PACRG: variants seen among roughly 807,000 people sequenced by gnomAD.
The protein encoded by PACRG is parkin coregulated gene protein.
PACRG carries 29 observed loss-of-function variants against 29.7 expected under a neutral mutation model. The observed-to-expected ratio is 0.98, with a 90% CI of 0.73 to 1.33. The LOEUF (loss-of-function observed/expected upper bound fraction) is 1.33. Among genes scored for constraint, PACRG ranks in the 40% most tolerant of loss-of-function variants. The pLI is 0.00. For synonymous variants in PACRG, 116 were observed against 118.7 expected (o/e 0.98, Z 0.15); for missense variants, 279 against 316.2 (o/e 0.88, Z 0.89).
intron 2 of PACRG, among the ~76,000 whole-genome samples, chr6:163,045,185 G>A (rs1344544345): frequency 6.6e-6 from 1 of 152,128 alleles, no homozygotes; most frequent in African/African-American, 2.4e-5. Flanking sequence ...AGGGTGGCAA[G>A]GGCACTGGCT....
At chr6:162,933,072 C>G (rs1350073302) in intron 2 of PACRG, among the ~76,000 whole-genome samples, 2 of 151,952 alleles carry the variant, frequency 1.3e-5, no homozygotes, top group Non-Finnish European at 2.9e-5. Context: ...TTTATTTTCA[C>G]TAGTTTCAAG....
chr6:162,891,501 C>T (rs56158657), intron 2 of PACRG, among the ~76,000 whole-genome samples: 1 of 152,138 alleles, frequency 6.6e-6, no homozygotes, highest in Non-Finnish European at 1.5e-5. Context: ...CTCTGGCTTG[C>T]TGCAGCCATT....
intron 4 of PACRG, among the ~76,000 whole-genome samples, chr6:163,220,963 G>T (rs1320858288): frequency 6.6e-6 from 1 of 152,180 alleles, no homozygotes; most frequent in East Asian, 1.9e-4. Context: ...TCACTTTGCT[G>T]TCTTGTTCCA....
chr6:162,960,128 GA>G (rs1469746574), intron 2 of PACRG, among the ~76,000 whole-genome samples: 4 of 152,138 alleles, frequency 2.6e-5, no homozygotes, highest in Non-Finnish European at 5.9e-5. Context: ...AAGCTGTGGA[GA>G]AAAAAGAAAG....
intron 1 of PACRG, among the ~76,000 whole-genome samples, chr6:162,803,678 T>C (rs1786071708): frequency 6.6e-6 from 1 of 152,174 alleles, no homozygotes; most frequent in Non-Finnish European, 1.5e-5. Flanking sequence ...AAATTAACAT[T>C]AATGAGGAAA....
intron 2 of PACRG, among the ~76,000 whole-genome samples, chr6:162,845,428 T>C (rs1047219052): frequency 6.6e-6 from 1 of 152,098 alleles, no homozygotes; most frequent in East Asian, 1.9e-4. Context: ...TCATACCTTT[T>C]GGTAAAGTTT....
intron 4 of PACRG, among the ~76,000 whole-genome samples, chr6:163,162,514 T>C (rs1223500786): frequency 6.6e-6 from 1 of 152,254 alleles, no homozygotes; most frequent in African/African-American, 2.4e-5. Flanking sequence ...CTTCCTCTCC[T>C]GCTCCATCTG....
intron 1 of PACRG, among the ~76,000 whole-genome samples, chr6:162,767,744 G>A (rs1782908668): frequency 6.6e-6 from 1 of 151,652 alleles, no homozygotes; most frequent in Non-Finnish European, 1.5e-5. Flanking sequence ...ATTTTTAACT[G>A]ATTACTTTGT....
chr6:163,177,524 G>A (rs1288873367), intron 4 of PACRG, among the ~76,000 whole-genome samples: 2 of 151,998 alleles, frequency 1.3e-5, no homozygotes, highest in Non-Finnish European at 2.9e-5. Context: ...GACCAAGCGT[G>A]AAGAAAGGCT....
intron 4 of PACRG, among the ~76,000 whole-genome samples, chr6:163,242,774 G>A (rs555164579): frequency 1.3e-5 from 2 of 152,350 alleles, no homozygotes; most frequent in East Asian, 3.9e-4. Context: ...GGCAATGAAT[G>A]TTTCCAGGCT....
At chr6:162,945,825 T>G (rs1798962106) in intron 2 of PACRG, among the ~76,000 whole-genome samples, 1 of 151,956 alleles carries the variant, frequency 6.6e-6, no homozygotes, top group Admixed American at 6.6e-5. Context: ...GAAATCAAAC[T>G]AGAAATCAGT....
intron 4 of PACRG, among the ~76,000 whole-genome samples, chr6:163,257,204 C>G (rs942036237): frequency 2.0e-5 from 3 of 151,816 alleles, no homozygotes; most frequent in Non-Finnish European, 2.9e-5. Flanking sequence ...AGCAGTGGGG[C>G]GCATCTTTTG....
chr6:162,856,995 T>C (rs1791453136), intron 2 of PACRG, among the ~76,000 whole-genome samples: 1 of 152,188 alleles, frequency 6.6e-6, no homozygotes, highest in Non-Finnish European at 1.5e-5. Context: ...ATGAATGTGC[T>C]TGGGACGGGA....
chr6:163,266,560 G>A (rs147196228), intron 4 of PACRG, among the ~76,000 whole-genome samples: 1 of 152,312 alleles, frequency 6.6e-6, no homozygotes, highest in African/African-American at 2.4e-5. Context: ...AGAGCTTTCT[G>A]TAAACTCTGT....
At chr6:163,276,481 C>G (rs1018620609) in intron 4 of PACRG, among the ~76,000 whole-genome samples, 1 of 152,144 alleles carries the variant, frequency 6.6e-6, no homozygotes, top group Non-Finnish European at 1.5e-5. Context: ...GGATGAGGGA[C>G]AGACCAGCTT....
chr6:163,165,873 G>T, intron 4 of PACRG: 1 of 351,200 alleles, frequency 2.8e-6, no homozygotes, highest in South Asian at 2.2e-5. Flanking sequence ...GGGGCGACAG[G>T]GGGAGAGAAC....
intron 2 of PACRG, among the ~76,000 whole-genome samples, chr6:162,871,395 T>C (rs1262814717): frequency 5.9e-5 from 9 of 152,194 alleles, no homozygotes; most frequent in African/African-American, 1.9e-4. Context: ...TCTGAGTGCA[T>C]ATAAAACTTT....
rs547229785 is a variant in PACRG at position 162,878,819 on chromosome 6, T to C, written c.291+64538T>C. ...GTATGTTAAGATGAATGTATATGCA[T>C]AAGCCCCATGTTATTCTAAATCTGA... On this transcript the variant is annotated intron_variant, in intron 2 of 4. Coordinates refer to ENST00000366888, the MANE Select transcript of PACRG (RefSeq NM_001080379.2). 2.5e-4 allele frequency among the ~76,000 whole-genome samples: 38 copies of C among 152,340 alleles called. 1 individual carries two copies. In the South Asian group the frequency reaches 5.2e-3, roughly 21 times the overall value.
intron 2 of PACRG, among the ~76,000 whole-genome samples, chr6:163,010,473 C>CA (rs749348589): frequency 1.3e-5 from 2 of 152,082 alleles, no homozygotes; most frequent in Non-Finnish European, 1.5e-5. Flanking sequence ...CCTACTCATC[C>CA]ATCAGTGCAG....
Sources: allele counts gnomAD v4.1 joint callset (sites outside exome capture counted in the v4.1 genomes callset), GRCh38; gene constraint gnomAD v4.1.1; transcripts MANE v1.5; gene names NCBI Gene and HGNC (gene_info 2026-07-23, HGNC 2026-07-21).